Variants in SCRIB observed in about 807,000 individuals in gnomAD.
SCRIB encodes protein scribble homolog.
A neutral mutation model predicts 170.0 loss-of-function variants in SCRIB; 72 were observed. The observed-to-expected ratio is 0.42, with a 90% CI of 0.35 to 0.52. The LOEUF is 0.52. SCRIB is among the 20% of genes least tolerant of loss of function. The probability of loss-of-function intolerance (pLI) is 0.02; values close to 1 mark genes in which losing one functional copy is unlikely to be tolerated. For synonymous variants in SCRIB, 1,298 were observed against 1,044.3 expected (o/e 1.24, Z -4.68); for missense variants, 2,475 against 2,338.5 (o/e 1.06, Z -1.20).
At chr8:143,795,188 G>T in intron 26 of SCRIB, 76 bp from the exon 27 acceptor site, 2 of 1,597,010 alleles carry the variant, frequency 1.3e-6, no homozygotes, top group Non-Finnish European at 1.7e-6. Context: ...CAGGAGAGGG[G>T]GTCCTGGGGG....
chr8:143,806,849 G>T, intron 17 of SCRIB, 75 bp downstream of exon 17: 1 of 1,042,938 alleles, frequency 9.6e-7, no homozygotes, highest in Non-Finnish European at 1.4e-6. Context: ...AGGGCAAGGG[G>T]CCTGTGTGCC....
chr8:143,812,028 C>T (rs559580758), intron 9 of SCRIB, among the ~76,000 whole-genome samples: 31 of 152,288 alleles, frequency 2.0e-4, no homozygotes, highest in East Asian at 1.2e-3. Flanking sequence ...CAACATACAG[C>T]GATAAACACG....
rs1554636189 is a variant in SCRIB at position 143,805,191 on chromosome 8, C to G, written c.2591G>C (p.Cys864Ser). 6.3e-7 allele frequency: 1 copy of G among 1,575,356 alleles called. No individual in the cohort carries two copies. The highest frequency in any genetic ancestry group is 1.8e-5 in the Admixed American group (1 of 56,168). ...CAGCCCCCTCTCGCTGCGTGCCAGG[C>G]AGGCCACGTGGCGCTGACGGAGGGG... is the stretch of plus-strand genomic sequence containing the variant. ...PGPLRQRHVACLARSERGLGF... is the reference protein window; with the variant it reads ...PGPLRQRHVASLARSERGLGF... Residue 864 changes from cysteine to serine, a missense_variant, in exon 19 of 37, where the codon TGC (cysteine) becomes TCC (serine). Transcript: ENST00000356994.
At position 143,809,712 on chromosome 8, in the gene SCRIB, G is replaced by T; in HGVS notation, c.1537C>A (p.Arg513=). ...GSPLPAEEEK[R]LSAESGLSED... ...CTCAGGCCAGACTCGGCACTCAGCCGCTTCTCCTGCGGCGGGAAGTGGGGT... is the reference window on the plus strand; with the variant it reads ...CTCAGGCCAGACTCGGCACTCAGCCTCTTCTCCTGCGGCGGGAAGTGGGGT... The change falls in exon 14 of 37, where the codon CGG becomes AGG. Residue 513 remains arginine, a synonymous_variant. Transcript: ENST00000356994. The T allele has an allele frequency of 6.2e-7, 1 of 1,608,032 alleles. No individual in the cohort carries two copies.
At chr8:143,796,657 G>A (rs1366995826) in intron 24 of SCRIB, among the ~76,000 whole-genome samples, 1 of 152,230 alleles carries the variant, frequency 6.6e-6, no homozygotes, top group Non-Finnish European at 1.5e-5. Context: ...AAACGCGAGT[G>A]TCGTAAAAGC....
At chr8:143,792,945 C>T (rs551649062) in intron 29 of SCRIB, 31 bp downstream of exon 29, 35 of 1,499,394 alleles carry the variant, frequency 2.3e-5, no homozygotes, top group Middle Eastern at 1.8e-4. Context: ...CCCAACCACG[C>T]GCAGCAGGGA....
At chr8:143,814,516 T>A (rs949733770) in intron 1 of SCRIB, among the ~76,000 whole-genome samples, 2 of 151,918 alleles carry the variant, frequency 1.3e-5, no homozygotes, top group African/African-American at 4.8e-5. Flanking sequence ...CAGCAAGAAC[T>A]CAGTAAACGC....
At chr8:143,809,165 G>T in intron 14 of SCRIB, 140 bp from the exon 15 acceptor site, 1 of 1,161,688 alleles carries the variant, frequency 8.6e-7, no homozygotes. Context: ...GCCCAGTGAG[G>T]GGCGCGTGTC....
rs1200245846 is a variant in SCRIB at position 143,815,278 on chromosome 8, T to C, written c.95A>G (p.Tyr32Cys). Residue 32 changes from tyrosine to cysteine, a missense_variant, in exon 1 of 37, where the codon TAC (tyrosine) becomes TGC (cysteine). By Grantham distance (194) the Tyr-to-Cys change is radical (BLOSUM62 -2). This residue lies in a region of SCRIB where 487 missense variants were observed against 558.1 expected (regional missense o/e 0.87). Coordinates refer to ENST00000356994, the MANE Select transcript of SCRIB (RefSeq NM_182706.5). ...CTCCTCCAGGCTGCGGCTGTAGCGG[T>C]AGATCTCCTCCGGCACGGCCTGCAG... The part of the protein sequence containing the change: ...CSLQAVPEEI[Y>C]RYSRSLEELL... 2 of 1,597,300 alleles carry C rather than the reference T, an allele frequency of 1.3e-6. No homozygotes were observed. The highest frequency in any genetic ancestry group is 1.7e-6 in the Non-Finnish European group (2 of 1,174,888).
chr8:143,806,851 C>A, intron 17 of SCRIB, 73 bp downstream of exon 17: 1 of 1,068,684 alleles, frequency 9.4e-7, no homozygotes, highest in Non-Finnish European at 1.4e-6. Context: ...GGCAAGGGGC[C>A]TGTGTGCCAT....
At position 143,803,535 on chromosome 8, in the gene SCRIB, G is replaced by T; in HGVS notation, c.3451C>A (p.Leu1151Met). ...TCCAACAGCCGCAAACCCACACGCA[G>T]CCGACCGTCGCGCCCGGCTGCCCCC... is the stretch of plus-strand genomic sequence containing the variant. ...PTGAAGRDGRLRVGLRLLEVN... is the reference protein window; with the variant it reads ...PTGAAGRDGRMRVGLRLLEVN... The change falls in exon 24 of 37, where the codon CTG (leucine) becomes ATG (methionine). Residue 1151 changes from leucine (L) to methionine (M), a missense_variant. By Grantham distance (15) the Leu-to-Met change is conservative. Around this residue, in one of 3 missense-constraint regions of SCRIB, gnomAD observed 1,966 missense variants for 1,742.9 expected, o/e 1.13. Transcript: ENST00000356994. The T allele has an allele frequency of 6.3e-7, 1 of 1,588,462 alleles. No homozygotes were observed.
intron 9 of SCRIB, among the ~76,000 whole-genome samples, chr8:143,811,854 G>A (rs1406780961): frequency 6.6e-6 from 1 of 152,118 alleles, no homozygotes; most frequent in African/African-American, 2.4e-5. Flanking sequence ...CTGGGGATGG[G>A]GATAGCAACA....
Position 143,795,572 on chromosome 8 carries a change from C to T in SCRIB, c.3604-42G>A, listed in dbSNP as rs113997671. 3.3e-3 allele frequency: 4,999 copies of T among 1,506,256 alleles called. 138 individuals carry two copies. In the African/African-American group the frequency reaches 0.056, roughly 17 times the overall value. 93.3% of individuals were successfully genotyped at this position (1,506,256 alleles called of 1,614,324 possible). A position where few individuals can be genotyped will look rare whatever the true frequency, so the allele number is the denominator to read the frequency against. ...GGGCTAAGAAGGGGGGACTGCAACCCGGGGTCCCACCTCTGGGGCAGGCTG... is the reference window on the plus strand; with the variant it reads ...GGGCTAAGAAGGGGGGACTGCAACCTGGGGTCCCACCTCTGGGGCAGGCTG... On this transcript the variant is annotated intron_variant, in intron 24 of 36. Coordinates refer to ENST00000356994, the MANE Select transcript of SCRIB (RefSeq NM_182706.5).
In SCRIB at chr8:143,792,600, G is replaced by A. The variant is rs781850994; in HGVS notation, c.4213C>T (p.Arg1405Trp). 1.4e-5 allele frequency: 23 copies of A among 1,590,770 alleles called. No individual in the cohort carries two copies. In the East Asian group the frequency reaches 1.8e-4, roughly 12 times the overall value. The change falls in exon 31 of 37, where the codon CGG becomes TGG. Residue 1405 changes from arginine to tryptophan, a missense_variant. Physicochemically the swap from Arg to Trp is moderately radical, Grantham distance 101. Around this residue, in one of 3 missense-constraint regions of SCRIB, gnomAD observed 1,966 missense variants for 1,742.9 expected, o/e 1.13. Coordinates refer to ENST00000356994, the MANE Select transcript of SCRIB (RefSeq NM_182706.5). ...KLQQKRAQML[R>W]EAAEAGAEAR... ...TCGGCCCCAGCCTCTGCCGCCTCCC[G>A]CAGCATCTGCGCTCTCTTCTGCTGT...
intron 27 of SCRIB, among the ~76,000 whole-genome samples, 160 bp downstream of exon 27, chr8:143,794,878 A>T (rs1814871982): frequency 6.6e-6 from 1 of 151,820 alleles, no homozygotes; most frequent in South Asian, 2.1e-4. Flanking sequence ...GGTGATAAGC[A>T]TGTGCCAGGC....
rs782641761 is a variant in SCRIB, at chr8:143,806,959, C to T, written c.2233G>A (p.Gly745Ser). ...TGGLGISIAG[G>S]KGSTPYKGDD... ...CCCTTATAGGGTGTGGAGCCCTTGC[C>T]GCCCGCAATGCTGATGCCCAGGCCC... is the stretch of plus-strand genomic sequence containing the variant. The change falls in exon 17 of 37, where the codon GGC (glycine) becomes AGC (serine). Residue 745 changes from glycine (G) to serine (S), a missense_variant. Gly to Ser is a moderately conservative substitution (Grantham distance 56). Around this residue, in one of 3 missense-constraint regions of SCRIB, gnomAD observed 1,966 missense variants for 1,742.9 expected, o/e 1.13. Transcript: ENST00000356994. The T allele has an allele frequency of 5.0e-6, 8 of 1,613,334 alleles. No homozygotes were observed. The highest frequency in any genetic ancestry group is 5.9e-6 in the Non-Finnish European group (7 of 1,179,746).
rs1816050819 is a variant in SCRIB at position 143,815,503 on chromosome 8, A to AC, written c.-132dup. 1.0e-6 allele frequency: 1 copy of AC among 988,942 alleles called. No individual in the cohort carries two copies. Among genetic ancestry groups the AC allele is most frequent in the South Asian group, 4.5e-5 (1 of 22,112 alleles). The allele number at this position is 988,942 out of a possible 1,614,324, so 61.3% of individuals were successfully genotyped here. On this transcript the variant is annotated 5_prime_UTR_variant, in exon 1 of 37. Coordinates refer to ENST00000356994, the MANE Select transcript of SCRIB (RefSeq NM_182706.5). ...CAGGGGGCGGGCCGCCCGAGACTGG[A>AC]CGGGGACGCGGCCGCGGCCGGCGCT...
At chr8:143,798,533 C>T (rs868922013) in intron 24 of SCRIB, among the ~76,000 whole-genome samples, 5 of 152,138 alleles carry the variant, frequency 3.3e-5, no homozygotes, top group South Asian at 2.1e-4. Flanking sequence ...TTCCTGGGCT[C>T]GAGCGATCCT....
In SCRIB at chr8:143,791,188, C is replaced by T. The variant is rs1483461255; in HGVS notation, c.4943G>A (p.Arg1648His). 1.4e-5 allele frequency: 20 copies of T among 1,438,364 alleles called. No homozygotes were observed. In the East Asian group the frequency reaches 1.8e-4, roughly 13 times the overall value. The allele number at this position is 1,438,364 out of a possible 1,614,324, so 89.1% of individuals were successfully genotyped here. Reference protein sequence around the residue: ...SSRRPVRPGRRGLGPVPS With the variant: ...SSRRPVRPGRHGLGPVPS Reference sequence around the variant, plus strand: ...CTAGGAGGGCACAGGGCCCAGGCCACGGCGCCCAGGCCTTACGGGGCGGCG... The same window carrying T: ...CTAGGAGGGCACAGGGCCCAGGCCATGGCGCCCAGGCCTTACGGGGCGGCG... Residue 1648 changes from arginine to histidine, a missense_variant, in exon 37 of 37, where the codon CGT becomes CAT. Transcript: ENST00000356994.
Sources: allele counts gnomAD v4.1 joint callset (sites outside exome capture counted in the v4.1 genomes callset), GRCh38; gene constraint gnomAD v4.1.1; regional missense constraint gnomAD v4.1.1; transcripts MANE v1.5; gene names NCBI Gene and HGNC (gene_info 2026-07-23, HGNC 2026-07-21).